ADAMTS16: variants seen among roughly 807,000 people sequenced by gnomAD.
The protein encoded by ADAMTS16 is ADAM metallopeptidase with thrombospondin type 1 motif 16.
A neutral mutation model predicts 145.8 loss-of-function variants in ADAMTS16; 94 were observed. The observed-to-expected ratio is 0.64, with a 90% confidence interval of 0.55 to 0.77. The LOEUF (loss-of-function observed/expected upper bound fraction) is 0.77, where lower values mean the gene tolerates loss of function less well. Ranked by LOEUF, ADAMTS16 falls within the 30% of genes least tolerant of loss-of-function variation. ADAMTS16 has a pLI of 0.00. For synonymous variants in ADAMTS16, 659 were observed against 604.3 expected (o/e 1.09, Z -1.33); for missense variants, 1,585 against 1,591.5 (o/e 1.00, Z 0.07).
Position 5,146,402 on chromosome 5 carries a change from T to C in ADAMTS16, c.448T>C (p.Ser150Pro). The C allele has an allele frequency of 6.2e-7, 1 of 1,613,590 alleles. No homozygotes were observed. Among genetic ancestry groups the C allele is most frequent in the Non-Finnish European group, 8.5e-7 (1 of 1,180,030 alleles). ...AGAGGACTTCTGTTTCTATCAAGGCTCTTTGCGATCACACAGAAACTCCTC... is the reference window on the plus strand; with the variant it reads ...AGAGGACTTCTGTTTCTATCAAGGCCCTTTGCGATCACACAGAAACTCCTC... ...PPEDFCFYQG[S>P]LRSHRNSSVA... Residue 150 changes from serine to proline, a missense_variant, in exon 3 of 23, where the codon TCT (serine) becomes CCT (proline). Around this residue, in one of 3 missense-constraint regions of ADAMTS16, gnomAD observed 453 missense variants for 412.1 expected, o/e 1.10. Coordinates refer to ENST00000274181, the MANE Select transcript of ADAMTS16 (RefSeq NM_139056.4).
intron 10 of ADAMTS16, among the ~76,000 whole-genome samples, chr5:5,221,216 A>G (rs1051040243): frequency 3.3e-5 from 5 of 151,726 alleles, no homozygotes; most frequent in Admixed American, 3.3e-4. Flanking sequence ...TACATTCAGG[A>G]CCCTTGAATT....
At chr5:5,160,547 C>T (rs960391359) in intron 3 of ADAMTS16, among the ~76,000 whole-genome samples, 1 of 152,076 alleles carries the variant, frequency 6.6e-6, no homozygotes, top group African/African-American at 2.4e-5. Flanking sequence ...TCTATGCCCA[C>T]GTATTTGAAA....
chr5:5,231,360 C>T lies in ADAMTS16; in HGVS notation c.1702-1008C>T, dbSNP rs567781567. On this transcript the variant is annotated intron_variant, in intron 11 of 22. Coordinates refer to ENST00000274181, the MANE Select transcript of ADAMTS16 (RefSeq NM_139056.4). ...GTATGTGCCAACACTGGTCAGATAT[C>T]AGTAGTTTGATATGTGTTACCCTAA... 3.9e-5 allele frequency among the ~76,000 whole-genome samples: 6 copies of T among 152,230 alleles called. No individual in the cohort carries two copies. The South Asian group carries it at 1.2e-3, about 32-fold the overall frequency.
intron 9 of ADAMTS16, among the ~76,000 whole-genome samples, chr5:5,206,852 T>C (rs1736140022): frequency 6.6e-6 from 1 of 152,200 alleles, no homozygotes; most frequent in Non-Finnish European, 1.5e-5. Context: ...CTTTTCTCCA[T>C]TCCATTGCCT....
At position 5,303,781 on chromosome 5, in the gene ADAMTS16, C is replaced by T; in HGVS notation, c.3186+15C>T. On this transcript the variant is annotated intron_variant, in intron 20 of 22. Transcript: ENST00000274181. ...CCTGGTCCCAGGTAGGTGCACTGGT[C>T]TCGCGGGAGCGAGGTTGACTAGCTC... 3 of 1,610,382 alleles carry T rather than the reference C, an allele frequency of 1.9e-6. No individual in the cohort carries two copies. The highest frequency in any genetic ancestry group is 2.5e-6 in the Non-Finnish European group (3 of 1,178,284).
At position 5,216,696 on chromosome 5, in the gene ADAMTS16, G is replaced by A. The variant is rs1294831968; in HGVS notation, c.1606-6093G>A. Among the ~76,000 whole-genome samples the A allele has an allele frequency of 1.5e-3, 225 of 146,498 alleles. 2 individuals are homozygous for A. The highest frequency in any genetic ancestry group is 2.6e-3 in the Non-Finnish European group (171 of 66,764). On this transcript the variant is annotated intron_variant, in intron 10 of 22. Coordinates refer to ENST00000274181, the MANE Select transcript of ADAMTS16 (RefSeq NM_139056.4). ...ATGTATACATGTGCCATGCTGGTGC[G>A]CTGCACCCACTAACTCGTCATCTAG...
rs573014768 is a variant in ADAMTS16 at position 5,206,149 on chromosome 5, G to A, written c.1452-2944G>A. 3.6e-4 allele frequency among the ~76,000 whole-genome samples: 54 copies of A among 151,882 alleles called. 2 individuals carry two copies. The South Asian group carries it at 9.4e-3, about 26-fold the overall frequency. ...TGGGGTATAAGATCTGCCTTTGGCC[G>A]GGCGCGGTGGCTCACGGCTGTAATC... On this transcript the variant is annotated intron_variant, in intron 9 of 22. Transcript: ENST00000274181.
At chr5:5,307,779 G>A (rs1038571701) in intron 21 of ADAMTS16, among the ~76,000 whole-genome samples, 3 of 152,182 alleles carry the variant, frequency 2.0e-5, no homozygotes, top group Non-Finnish European at 2.9e-5. Flanking sequence ...GCTAGTGAGA[G>A]GCACAAGCTC....
At chr5:5,285,592 T>C (rs1446030660) in intron 18 of ADAMTS16, among the ~76,000 whole-genome samples, 1 of 152,198 alleles carries the variant, frequency 6.6e-6, no homozygotes, top group East Asian at 1.9e-4. Context: ...GAATTAAAAA[T>C]TTCATGCAGG....
intron 17 of ADAMTS16, among the ~76,000 whole-genome samples, chr5:5,248,957 A>C (rs1737539663): frequency 6.6e-6 from 1 of 152,228 alleles, no homozygotes; most frequent in Admixed American, 6.5e-5. Context: ...CTATCTGCTC[A>C]TCTATCTATG....
At chr5:5,239,952 G>A in intron 16 of ADAMTS16, 27 bp downstream of exon 16, 1 of 1,610,336 alleles carries the variant, frequency 6.2e-7, no homozygotes, top group Non-Finnish European at 8.5e-7. Context: ...TGATTTTGGG[G>A]CTTGGATTTT....
At chr5:5,265,028 A>C (rs1365308086) in intron 18 of ADAMTS16, among the ~76,000 whole-genome samples, 1 of 152,154 alleles carries the variant, frequency 6.6e-6, no homozygotes, top group East Asian at 1.9e-4. Context: ...CAGCCCACTC[A>C]TCAGGGGCTC....
In ADAMTS16 at chr5:5,232,413, A is replaced by T; in HGVS notation, c.1747A>T (p.Lys583Ter). The part of the protein sequence containing the change: ...QCVKYGDEGP[K>*]PTHGHWSDWS... ...TGTGAAATATGGTGATGAAGGCCCC[A>T]AGCCCACCCATGGCCACTGGTCGGA... Residue 583 changes from lysine to a stop codon, truncating the protein, a stop_gained, in exon 12 of 23, where the codon AAG becomes TAG. Coordinates refer to ENST00000274181, the MANE Select transcript of ADAMTS16 (RefSeq NM_139056.4). LOFTEE classifies it high-confidence loss of function. 6.2e-7 allele frequency: 1 copy of T among 1,613,964 alleles called. No homozygotes were observed. The highest frequency in any genetic ancestry group is 8.5e-7 in the Non-Finnish European group (1 of 1,179,996).
intron 17 of ADAMTS16, among the ~76,000 whole-genome samples, chr5:5,244,899 A>T (rs1247412873): frequency 2.0e-5 from 3 of 152,184 alleles, no homozygotes; most frequent in African/African-American, 7.2e-5. Flanking sequence ...CAGTTCTGGT[A>T]TTCAATTTTC....
chr5:5,208,906 A>G (rs561556252), intron 9 of ADAMTS16, among the ~76,000 whole-genome samples, 187 bp from the exon 10 acceptor site: 8 of 152,352 alleles, frequency 5.3e-5, no homozygotes, highest in African/African-American at 1.9e-4. Flanking sequence ...ATTTCAGAAA[A>G]TGGAGTCTCT....
intron 11 of ADAMTS16, among the ~76,000 whole-genome samples, chr5:5,225,009 C>T (rs1352473698): frequency 1.3e-5 from 2 of 151,344 alleles, no homozygotes; most frequent in African/African-American, 4.9e-5. Flanking sequence ...TCAAATATAG[C>T]TTTTTCCTTT....
rs373614420 is a variant in ADAMTS16 at position 5,277,787 on chromosome 5, C to T, written c.2789+15004C>T. Among the ~76,000 whole-genome samples the T allele has an allele frequency of 3.1e-4, 47 of 150,264 alleles. 2 individuals are homozygous for T. In the East Asian group the frequency reaches 3.2e-3, roughly 10 times the overall value. ...GATAGGAGTTTGAAACCAGCCTGGGCAACACAGTAAGACCCCATCTACACA... is the reference window on the plus strand; with the variant it reads ...GATAGGAGTTTGAAACCAGCCTGGGTAACACAGTAAGACCCCATCTACACA... On this transcript the variant is annotated intron_variant, in intron 18 of 22. Coordinates refer to ENST00000274181, the MANE Select transcript of ADAMTS16 (RefSeq NM_139056.4).
At chr5:5,266,190 T>C (rs1356775296) in intron 18 of ADAMTS16, among the ~76,000 whole-genome samples, 2 of 152,174 alleles carry the variant, frequency 1.3e-5, no homozygotes, top group East Asian at 3.9e-4. Context: ...TAGTCAGCCC[T>C]GGTCTACTCT....
At chr5:5,304,581 G>T (rs1160327111) in intron 20 of ADAMTS16, among the ~76,000 whole-genome samples, 1 of 152,064 alleles carries the variant, frequency 6.6e-6, no homozygotes, top group Non-Finnish European at 1.5e-5. Flanking sequence ...CTCAGGGAGG[G>T]ACCCGGATCT....
Sources: allele counts gnomAD v4.1 joint callset (sites outside exome capture counted in the v4.1 genomes callset), GRCh38; gene constraint gnomAD v4.1.1; regional missense constraint gnomAD v4.1.1; transcripts MANE v1.5; gene names NCBI Gene and HGNC (gene_info 2026-07-23, HGNC 2026-07-21).